The following GPC5 variants were observed in gnomAD, a reference collection of about 807,000 sequenced individuals.
GPC5 encodes glypican-5.
A neutral mutation model predicts 53.9 loss-of-function variants in GPC5; 47 were observed. That is an observed-to-expected ratio of 0.87 (90% CI 0.69 to 1.11). The LOEUF (loss-of-function observed/expected upper bound fraction) is 1.11. Among genes scored for constraint, GPC5 ranks in the 50% most tolerant of loss-of-function variants. The pLI, the probability that GPC5 is intolerant of heterozygous loss-of-function variation, is 0.00. For synonymous variants in GPC5, 286 were observed against 263.3 expected (o/e 1.09, Z -0.84); for missense variants, 748 against 713.1 (o/e 1.05, Z -0.56).
intron 3 of GPC5, among the ~76,000 whole-genome samples, chr13:91,727,052 C>G (rs768761882): frequency 1.3e-5 from 2 of 152,222 alleles, no homozygotes; most frequent in Non-Finnish European, 2.9e-5. Context: ...CCATGTGTTA[C>G]AACGTTTTGA....
At chr13:91,707,575 C>G (rs571774614) in intron 3 of GPC5, among the ~76,000 whole-genome samples, 1 of 152,084 alleles carries the variant, frequency 6.6e-6, no homozygotes, top group Non-Finnish European at 1.5e-5. Context: ...GAGCCATGAT[C>G]GCGCCACTGC....
chr13:92,024,595 C>G (rs2138796155), intron 6 of GPC5, among the ~76,000 whole-genome samples: 1 of 152,268 alleles, frequency 6.6e-6, no homozygotes, highest in Middle Eastern at 3.4e-3. Context: ...GACTCTCTCT[C>G]TGTTTTTAGA....
At chr13:92,551,656 A>T (rs930770657) in intron 7 of GPC5, among the ~76,000 whole-genome samples, 13 of 151,954 alleles carry the variant, frequency 8.6e-5, no homozygotes, top group African/African-American at 2.7e-4. Context: ...GGGGTGAAAC[A>T]TAAGGGATCT....
chr13:91,551,123 G>C (rs1050288647), intron 2 of GPC5, among the ~76,000 whole-genome samples: 2 of 151,938 alleles, frequency 1.3e-5, no homozygotes, highest in Admixed American at 1.3e-4. Context: ...CTGAACCAGA[G>C]CATTTCATGT....
At chr13:92,502,530 G>T (rs143675545) in intron 7 of GPC5, among the ~76,000 whole-genome samples, 6 of 151,908 alleles carry the variant, frequency 3.9e-5, no homozygotes, top group Non-Finnish European at 8.8e-5. Context: ...AAAGGATTGA[G>T]AAAATAATAT....
chr13:92,841,306 A>T (rs117656603), intron 7 of GPC5, among the ~76,000 whole-genome samples: 401 of 152,290 alleles, frequency 2.6e-3, no homozygotes, highest in Non-Finnish European at 4.6e-3. Context: ...TAAATTCAGC[A>T]ATTTAACGAT....
At chr13:91,871,445 C>A (rs1298289076) in intron 5 of GPC5, among the ~76,000 whole-genome samples, 2 of 151,854 alleles carry the variant, frequency 1.3e-5, no homozygotes, top group African/African-American at 2.4e-5. Context: ...TACAACAAAT[C>A]CCTGTGATGT....
At chr13:92,407,642 G>A (rs1217243605) in intron 7 of GPC5, among the ~76,000 whole-genome samples, 1 of 152,024 alleles carries the variant, frequency 6.6e-6, no homozygotes, top group Non-Finnish European at 1.5e-5. Flanking sequence ...TATACATATG[G>A]TATTCTTATG....
chr13:91,822,634 A>G (rs1285888055), intron 5 of GPC5, among the ~76,000 whole-genome samples: 1 of 151,872 alleles, frequency 6.6e-6, no homozygotes, highest in Non-Finnish European at 1.5e-5. Context: ...AGGAAAAACT[A>G]CCCCTGTGCT....
chr13:92,541,683 A>G (rs771440359), intron 7 of GPC5, among the ~76,000 whole-genome samples: 3 of 151,862 alleles, frequency 2.0e-5, no homozygotes, highest in Non-Finnish European at 4.4e-5. Flanking sequence ...GAGAATGTTC[A>G]TGACCATCCC....
intron 7 of GPC5, among the ~76,000 whole-genome samples, chr13:92,431,128 C>A (rs759218405): frequency 1.6e-4 from 25 of 152,094 alleles, no homozygotes; most frequent in Non-Finnish European, 2.2e-4. Context: ...CATATGTAAA[C>A]CACAGAGTGT....
At chr13:92,309,934 GTCT>G (rs956346386) in intron 7 of GPC5, among the ~76,000 whole-genome samples, 1 of 152,020 alleles carries the variant, frequency 6.6e-6, no homozygotes, top group Non-Finnish European at 1.5e-5. Flanking sequence ...TCCCCTGGCA[GTCT>G]TCTTCTCTCT....
intron 7 of GPC5, among the ~76,000 whole-genome samples, chr13:92,462,590 T>C (rs1209816544): frequency 1.3e-5 from 2 of 152,168 alleles, no homozygotes; most frequent in African/African-American, 4.8e-5. Context: ...CAATTGAATC[T>C]ATGAGTGGAG....
chr13:91,504,061 A>G (rs905051795), intron 2 of GPC5, among the ~76,000 whole-genome samples: 1 of 152,002 alleles, frequency 6.6e-6, no homozygotes, highest in African/African-American at 2.4e-5. Context: ...TCATCATAGC[A>G]TAACAAAAAA....
chr13:91,430,788 T>C (rs1034191372), intron 1 of GPC5, among the ~76,000 whole-genome samples: 1 of 152,200 alleles, frequency 6.6e-6, no homozygotes, highest in African/African-American at 2.4e-5. Flanking sequence ...TGCAAGCATC[T>C]GGGCAACACG....
chr13:92,379,597 T>A (rs2043722252), intron 7 of GPC5, among the ~76,000 whole-genome samples: 1 of 151,020 alleles, frequency 6.6e-6, no homozygotes, highest in Non-Finnish European at 1.5e-5. Context: ...TGCATATTAG[T>A]TCCTCTCTCT....
intron 5 of GPC5, among the ~76,000 whole-genome samples, chr13:91,904,612 G>T (rs1439438344): frequency 6.6e-6 from 1 of 151,860 alleles, no homozygotes; most frequent in Non-Finnish European, 1.5e-5. Flanking sequence ...CTGTAGAATG[G>T]GAGTAATTAT....
At chr13:92,621,435 A>AT (rs1202715500) in intron 7 of GPC5, among the ~76,000 whole-genome samples, 3 of 152,002 alleles carry the variant, frequency 2.0e-5, no homozygotes, top group Non-Finnish European at 4.4e-5. Flanking sequence ...ATTCAACCAT[A>AT]TTTTTTCTGC....
At chr13:92,806,811 T>C (rs923213620) in intron 7 of GPC5, among the ~76,000 whole-genome samples, 6 of 151,966 alleles carry the variant, frequency 3.9e-5, no homozygotes, top group African/African-American at 1.4e-4. Flanking sequence ...AGACCACTGA[T>C]CACAGATCAC....
Sources: gnomAD v4.1 joint callset for allele counts (sites outside exome capture counted in the v4.1 genomes callset) on GRCh38, gnomAD v4.1.1 for gene constraint, MANE v1.5 for transcripts, NCBI Gene and HGNC (gene_info 2026-07-23, HGNC 2026-07-21) for gene names.